SLC2A1: variants seen among roughly 807,000 people sequenced by gnomAD.
SLC2A1 encodes solute carrier family 2, facilitated glucose transporter member 1.
Under a neutral mutation model 46.6 loss-of-function variants are expected in SLC2A1, and 4 were observed. The observed-to-expected ratio is 0.09, with a 90% confidence interval of 0.04 to 0.20. SLC2A1 has a LOEUF of 0.20. Among genes scored for constraint, SLC2A1 ranks in the 10% least tolerant of loss-of-function variants. The pLI is 1.00. For synonymous variants in SLC2A1, 253 were observed against 270.0 expected (o/e 0.94, Z 0.62); for missense variants, 352 against 667.0 (o/e 0.53, Z 5.20).
chr1:42,955,152 C>T (rs1312494823), intron 1 of SLC2A1, among the ~76,000 whole-genome samples: 1 of 152,216 alleles, frequency 6.6e-6, no homozygotes, highest in Non-Finnish European at 1.5e-5. Context: ...AGGTACAAGT[C>T]ACCCACAGCC....
At position 42,930,341 on chromosome 1, in the gene SLC2A1, G is replaced by A; in HGVS notation, c.516+285C>T. On this transcript the variant is annotated intron_variant, in intron 4 of 9. Transcript: ENST00000426263. This position sits in a 1 kb window ranked among gnomAD's most constrained non-coding sequence, Gnocchi z 6.2. ...GGGACAGGGAAGGGGAAGCCTCCTGGAGAGAGGGTACTGTGCATAACAGCC... is the reference window on the plus strand; with the variant it reads ...GGGACAGGGAAGGGGAAGCCTCCTGAAGAGAGGGTACTGTGCATAACAGCC... 3 of 637,860 alleles carry A rather than the reference G, an allele frequency of 4.7e-6. No individual in the cohort carries two copies. In the South Asian group the frequency reaches 5.6e-5, roughly 12 times the overall value. The allele number at this position is 637,860 out of a possible 1,614,324, so 39.5% of individuals were successfully genotyped here.
Position 42,927,114 on chromosome 1 carries a change from T to TGCCGGAA in SLC2A1, c.1399_1405dup (p.Gln469LeufsTer10), listed in dbSNP as rs1264369249. On this transcript the variant is annotated frameshift_variant, in exon 10 of 10. Transcript: ENST00000426263. LOFTEE classifies it high-confidence loss of function. The surrounding 1 kb of genome is among the most constrained non-coding windows in gnomAD (Gnocchi z 5.3). The stretch of plus-strand genomic sequence containing the variant: ...CTTGTCACTTTGGCTGGCTCCCCCC[T>TGCCGGAA]GCCGGAAGCCGGAAGCGATCTCATC... 1 of 1,614,062 alleles carries TGCCGGAA rather than the reference T, an allele frequency of 6.2e-7. No homozygotes were observed. The highest frequency in any genetic ancestry group is 8.5e-7 in the Non-Finnish European group (1 of 1,180,034).
Position 42,927,361 on chromosome 1 carries a change from G to T in SLC2A1, c.1279-120C>A. ...TGAAAAGGGAACATCCACCTACCCA[G>T]GGATGCTATCATAATTAACTGAGAC... On this transcript the variant is annotated intron_variant, in intron 9 of 9. Transcript: ENST00000426263. The surrounding 1 kb of genome is among the most constrained non-coding windows in gnomAD (Gnocchi z 5.3). The T allele has an allele frequency of 1.1e-6, 1 of 945,658 alleles. No individual in the cohort carries two copies. Among genetic ancestry groups the T allele is most frequent in the Non-Finnish European group, 1.7e-6 (1 of 593,502 alleles). The allele number at this position is 945,658 out of a possible 1,614,324, so 58.6% of individuals were successfully genotyped here.
chr1:42,927,060 C>G lies in SLC2A1; in HGVS notation c.1460G>C (p.Gly487Ala). The change falls in exon 10 of 10, where the codon GGG becomes GCG. Residue 487 changes from glycine to alanine, a missense_variant. Gly to Ala is a moderately conservative substitution (Grantham distance 60). Transcript: ENST00000426263. The surrounding 1 kb of genome is among the most constrained non-coding windows in gnomAD (Gnocchi z 5.3). ...KTPEELFHPLGADSQV is the reference protein window; with the variant it reads ...KTPEELFHPLAADSQV ...GGCGACTCACACTTGGGAATCAGCC[C>G]CCAGGGGATGGAACAGCTCCTCGGG... 1 of 1,614,074 alleles carries G rather than the reference C, an allele frequency of 6.2e-7. No homozygotes were observed. The highest frequency in any genetic ancestry group is 8.5e-7 in the Non-Finnish European group (1 of 1,179,952).
At chr1:42,945,738 C>CAAAAAAAA (rs1166067644) in intron 1 of SLC2A1, among the ~76,000 whole-genome samples, 12 of 115,466 alleles carry the variant, frequency 1.0e-4, no homozygotes, top group African/African-American at 2.6e-4. Flanking sequence ...GACTCTGTCT[C>CAAAAAAAA]AAAAAAAAAA....
chr1:42,950,403 C>A (rs1643707913), intron 1 of SLC2A1, among the ~76,000 whole-genome samples: 1 of 152,232 alleles, frequency 6.6e-6, no homozygotes, highest in African/African-American at 2.4e-5. Context: ...CAAAGCCTTC[C>A]AGGCAAAACC....
At chr1:42,946,212 T>C (rs1281921299) in intron 1 of SLC2A1, among the ~76,000 whole-genome samples, 1 of 152,242 alleles carries the variant, frequency 6.6e-6, no homozygotes, top group Non-Finnish European at 1.5e-5. Flanking sequence ...ACCCCTCCGC[T>C]GGACCTTGTC....
intron 1 of SLC2A1, among the ~76,000 whole-genome samples, chr1:42,948,354 G>A (rs1483452655): frequency 6.6e-6 from 1 of 152,208 alleles, no homozygotes; most frequent in Non-Finnish European, 1.5e-5. Flanking sequence ...TATTGGCACA[G>A]GAAGGGCACG....
chr1:42,945,832 A>G (rs530561335), intron 1 of SLC2A1, among the ~76,000 whole-genome samples: 1 of 152,262 alleles, frequency 6.6e-6, no homozygotes, highest in East Asian at 1.9e-4. Flanking sequence ...GGACAGGGTG[A>G]AAGGGAGATT....
At chr1:42,928,675 C>T (rs1643453369) in intron 8 of SLC2A1, among the ~76,000 whole-genome samples, 1 of 152,088 alleles carries the variant, frequency 6.6e-6, no homozygotes, top group Non-Finnish European at 1.5e-5. Flanking sequence ...AAAGCAATTC[C>T]TTAAGGAGGT....
At chr1:42,934,015 A>C (rs3754219) in intron 2 of SLC2A1, among the ~76,000 whole-genome samples, 52,205 of 152,068 alleles carry the variant, frequency 0.34, 10,828 homozygotes, top group Non-Finnish European at 0.46. Context: ...CCTCTTTTGA[A>C]ATTTGCCAAG....
chr1:42,931,780 T>A (rs1331803586), intron 2 of SLC2A1, among the ~76,000 whole-genome samples: 5 of 146,806 alleles, frequency 3.4e-5, no homozygotes, highest in Non-Finnish European at 7.4e-5. Context: ...GAGCCAAGAC[T>A]GTGCCACTGC....
At chr1:42,950,304 A>G (rs1643705794) in intron 1 of SLC2A1, among the ~76,000 whole-genome samples, 1 of 152,232 alleles carries the variant, frequency 6.6e-6, no homozygotes, top group African/African-American at 2.4e-5. Context: ...AAAGCTGACA[A>G]TATTTACGCT....
chr1:42,932,018 C>G (rs754021132), intron 2 of SLC2A1, among the ~76,000 whole-genome samples: 2 of 152,232 alleles, frequency 1.3e-5, no homozygotes, highest in East Asian at 1.9e-4. Context: ...ACTCCCTGAC[C>G]GCACTGAGGG....
At chr1:42,933,945 T>A (rs1479623323) in intron 2 of SLC2A1, among the ~76,000 whole-genome samples, 1 of 152,154 alleles carries the variant, frequency 6.6e-6, no homozygotes, top group Non-Finnish European at 1.5e-5. Context: ...CATTCCATAG[T>A]TCTAAGGTAT....
At position 42,927,036 on chromosome 1, in the gene SLC2A1, G is replaced by A. The variant is rs1260477471; in HGVS notation, c.*5C>T. On this transcript the variant is annotated 3_prime_UTR_variant, in exon 10 of 10. Transcript: ENST00000426263. This position sits in a 1 kb window ranked among gnomAD's most constrained non-coding sequence, Gnocchi z 5.3. Reference sequence around the variant, plus strand: ...GAGCAGGCCGGGCTGGTGATCTGGGGCGACTCACACTTGGGAATCAGCCCC... The same window carrying A: ...GAGCAGGCCGGGCTGGTGATCTGGGACGACTCACACTTGGGAATCAGCCCC... The A allele has an allele frequency of 1.2e-6, 2 of 1,612,990 alleles. No homozygotes were observed. Among genetic ancestry groups the A allele is most frequent in the African/African-American group, 2.7e-5 (2 of 74,906 alleles).
intron 2 of SLC2A1, among the ~76,000 whole-genome samples, chr1:42,933,330 C>T (rs147057743): frequency 2.2e-4 from 33 of 152,244 alleles, no homozygotes; most frequent in African/African-American, 7.2e-4. Context: ...CACCCCTCTA[C>T]GCCTTTGAGA....
rs150016915 is a variant in SLC2A1 at position 42,947,903 on chromosome 1, C to T, written c.19-4582G>A. ...CCTTAGCCATTTATCAAACCCCTGA[C>T]GAGTGCTGGAACATCAGAGCTCTGA... On this transcript the variant is annotated intron_variant, in intron 1 of 9. Coordinates refer to ENST00000426263, the MANE Select transcript of SLC2A1 (RefSeq NM_006516.4). Among the ~76,000 whole-genome samples, 321 of 152,234 alleles carry T rather than the reference C, an allele frequency of 2.1e-3. 6 individuals are homozygous for T. The highest frequency in any genetic ancestry group is 0.016 in the Admixed American group (241 of 15,292).
At chr1:42,947,647 G>C (rs1030613243) in intron 1 of SLC2A1, among the ~76,000 whole-genome samples, 6 of 149,854 alleles carry the variant, frequency 4.0e-5, no homozygotes, top group African/African-American at 1.5e-4. Flanking sequence ...ACCTGAGCCT[G>C]GGAGGCAGAA....
Sources: gnomAD v4.1 joint callset for allele counts (sites outside exome capture counted in the v4.1 genomes callset) on GRCh38, gnomAD v4.1.1 for gene constraint, Gnocchi (gnomAD v3.1) non-coding constraint, MANE v1.5 for transcripts, NCBI Gene and HGNC (gene_info 2026-07-23, HGNC 2026-07-21) for gene names.